INSL6: variants seen among roughly 807,000 people sequenced by gnomAD.
INSL6 encodes insulin like 6, also known as insulin-like peptide INSL6.
INSL6 carries 16 observed loss-of-function variants against 9.4 expected under a neutral mutation model. That is an observed-to-expected ratio of 1.70 (90% CI 1.15 to 2.59). The LOEUF is 2.59. Ranked by LOEUF, INSL6 falls within the 30% of genes most tolerant of loss-of-function variation. The probability of loss-of-function intolerance (pLI) is 0.00; values close to 1 mark genes in which losing one functional copy is unlikely to be tolerated. For missense variants in INSL6, 391 were observed against 257.3 expected (o/e 1.52, Z -3.56); for synonymous variants, 154 against 96.9 (o/e 1.59, Z -3.46).
At chr9:5,126,175 T>C (rs2130864176) in intron 3 of INSL6, 2 of 548,756 alleles carry the variant, frequency 3.6e-6, no homozygotes, top group South Asian at 5.1e-5. Context: ...TTTAACAGCC[T>C]TATGTTTTTG....
At chr9:5,088,739 A>T in the INSL6 span, among the ~76,000 whole-genome samples, 1 of 152,214 alleles carries the variant, frequency 6.6e-6, no homozygotes, top group African/African-American at 2.4e-5. Context: ...CTTGGCTTGC[A>T]GATGGCCATC....
chr9:5,140,046 A>T (rs890172956), intron 2 of INSL6, among the ~76,000 whole-genome samples: 1 of 152,216 alleles, frequency 6.6e-6, no homozygotes, highest in Non-Finnish European at 1.5e-5. Flanking sequence ...ATTAAATAGT[A>T]CATTTCTAAA....
At chr9:5,033,182 G>A in the INSL6 span, among the ~76,000 whole-genome samples, 1 of 152,170 alleles carries the variant, frequency 6.6e-6, no homozygotes, top group Non-Finnish European at 1.5e-5. Context: ...GAAGTGAGAA[G>A]AGAAGTTTAG....
intron 2 of INSL6, among the ~76,000 whole-genome samples, chr9:5,143,154 T>A (rs79853454): frequency 2.9e-3 from 443 of 152,272 alleles, no homozygotes; most frequent in African/African-American, 0.01. Context: ...AAGTTTTCTT[T>A]TTTTTGTATT....
the INSL6 span, among the ~76,000 whole-genome samples, chr9:4,996,292 C>CA: frequency 6.6e-6 from 1 of 151,880 alleles, no homozygotes; most frequent in Non-Finnish European, 1.5e-5. Flanking sequence ...CTACTAAATA[C>CA]AAAAAAATAG....
At chr9:5,060,182 C>G in the INSL6 span, among the ~76,000 whole-genome samples, 3 of 152,092 alleles carry the variant, frequency 2.0e-5, no homozygotes, top group Non-Finnish European at 4.4e-5. Flanking sequence ...ATCTGAGCCT[C>G]CAGAGAGTTA....
chr9:5,123,701 T>C (rs191711065), downstream of INSL6, among the ~76,000 whole-genome samples: 147 of 152,028 alleles, frequency 9.7e-4, no homozygotes, highest in African/African-American at 3.5e-3. Flanking sequence ...GGTAGTTCTA[T>C]ATTTAGGTCT....
the INSL6 span, chr9:5,085,326 C>T: frequency 2.5e-6 from 2 of 804,602 alleles, no homozygotes; most frequent in South Asian, 2.6e-5. Context: ...CATCTATTAG[C>T]TGAAAAGCTA....
At chr9:5,136,667 C>T (rs547385114) in intron 2 of INSL6, among the ~76,000 whole-genome samples, 5 of 152,150 alleles carry the variant, frequency 3.3e-5, no homozygotes, top group Non-Finnish European at 7.3e-5. Flanking sequence ...AAATATAATA[C>T]TGAACGGGCA....
the INSL6 span, among the ~76,000 whole-genome samples, chr9:5,063,322 A>G: frequency 1.3e-5 from 2 of 152,240 alleles, no homozygotes; most frequent in Non-Finnish European, 2.9e-5. Flanking sequence ...AAAATTTCAC[A>G]TAATCAAACC....
At chr9:5,095,094 T>C in the INSL6 span, 1 of 152,080 alleles carries the variant, frequency 6.6e-6, no homozygotes, top group Non-Finnish European at 1.5e-5. Flanking sequence ...TCTGGAACTA[T>C]AGGAATTGAA....
the INSL6 span, chr9:5,044,495 T>C: frequency 6.2e-7 from 1 of 1,607,336 alleles, no homozygotes; most frequent in Non-Finnish European, 8.5e-7. Flanking sequence ...CTTGATGACT[T>C]TGTCATGTCT....
chr9:5,038,105 T>C, the INSL6 span, among the ~76,000 whole-genome samples: 1 of 152,194 alleles, frequency 6.6e-6, no homozygotes, highest in Non-Finnish European at 1.5e-5. Context: ...CATTAATGAT[T>C]TGTTCTTCTT....
At chr9:5,041,873 C>G in the INSL6 span, 54 of 437,390 alleles carry the variant, frequency 1.2e-4, no homozygotes, top group East Asian at 3.2e-3. Context: ...TGGCCGGCCA[C>G]TCCAGCGCCC....
At chr9:5,044,458 A>T in the INSL6 span, 50 of 1,613,516 alleles carry the variant, frequency 3.1e-5, no homozygotes, top group African/African-American at 4.1e-4. Context: ...TCGGCATGGA[A>T]TATCTCGAGG....
At chr9:5,080,686 A>G in the INSL6 span, 2 of 1,543,390 alleles carry the variant, frequency 1.3e-6, no homozygotes, top group East Asian at 2.3e-5. Context: ...TACTCCAGGT[A>G]TGTATTTGAA....
At chr9:5,048,635 T>C in the INSL6 span, among the ~76,000 whole-genome samples, 5 of 152,240 alleles carry the variant, frequency 3.3e-5, no homozygotes, top group Admixed American at 3.3e-4. Flanking sequence ...GCCTTTGTTT[T>C]GGGTGATACT....
chr9:5,066,670 A>G, the INSL6 span: 1 of 1,494,592 alleles, frequency 6.7e-7, no homozygotes, highest in Non-Finnish European at 9.3e-7. Context: ...CTTCTTCTTT[A>G]CCTTTAGGAT....
the INSL6 span, chr9:5,099,610 T>G: frequency 2.6e-5 from 4 of 152,354 alleles, no homozygotes; most frequent in South Asian, 8.3e-4. Context: ...ATTCTAGGCC[T>G]ACCAGCAGTA....
Sources: allele counts gnomAD v4.1 joint callset (sites outside exome capture counted in the v4.1 genomes callset), GRCh38; gene constraint gnomAD v4.1.1; transcripts MANE v1.5; gene names NCBI Gene and HGNC (gene_info 2026-07-23, HGNC 2026-07-21).